The following PSEN1 variants were observed in gnomAD, a reference collection of about 807,000 sequenced individuals.
The protein encoded by PSEN1 is presenilin 1.
PSEN1 carries 15 observed loss-of-function variants against 53.5 expected under a neutral mutation model. The ratio of observed to expected loss-of-function variants is 0.28; its 90% CI spans 0.19 to 0.43. PSEN1 has a LOEUF of 0.43. Among genes scored for constraint, PSEN1 ranks in the 20% least tolerant of loss-of-function variants. The pLI, the probability that PSEN1 is intolerant of heterozygous loss-of-function variation, is 1.00. For missense variants in PSEN1, 387 were observed against 571.2 expected, an observed-to-expected ratio of 0.68 and a Z score of 3.29; for synonymous variants, 208 against 209.8, an observed-to-expected ratio of 0.99 and a Z score of 0.08.
chr14:73,176,403 A>G (rs916815691), intron 5 of PSEN1, among the ~76,000 whole-genome samples: 10 of 151,954 alleles, frequency 6.6e-5, no homozygotes, highest in Non-Finnish European at 1.2e-4. Flanking sequence ...TCTTCTGTTT[A>G]TTTCTCAGAT....
chr14:73,207,194 G>A (rs905527931), intron 9 of PSEN1, among the ~76,000 whole-genome samples: 2 of 152,024 alleles, frequency 1.3e-5, no homozygotes, highest in Non-Finnish European at 2.9e-5. Context: ...GGATAAGAGA[G>A]TGAAAGGCCC....
At chr14:73,218,987 G>C in intron 11 of PSEN1, 147 bp from the exon 12 acceptor site, 1 of 860,012 alleles carries the variant, frequency 1.2e-6, no homozygotes, top group Non-Finnish European at 1.9e-6. Context: ...TCTTCTTCCA[G>C]ATTGAATGAA....
At chr14:73,189,569 A>G (rs764915777) in intron 6 of PSEN1, among the ~76,000 whole-genome samples, 6 of 152,178 alleles carry the variant, frequency 3.9e-5, no homozygotes, top group Non-Finnish European at 8.8e-5. Context: ...CCGAGATCGC[A>G]CCATTGCACT....
At chr14:73,210,542 G>C (rs1899635279) in intron 9 of PSEN1, among the ~76,000 whole-genome samples, 1 of 152,116 alleles carries the variant, frequency 6.6e-6, no homozygotes, top group African/African-American at 2.4e-5. Flanking sequence ...AATACCAAAA[G>C]GGATGGCTAA....
At chr14:73,144,808 T>C (rs1897025222) in intron 1 of PSEN1, among the ~76,000 whole-genome samples, 1 of 152,254 alleles carries the variant, frequency 6.6e-6, no homozygotes, top group African/African-American at 2.4e-5. Context: ...TGTAAGATTA[T>C]ACTAATCTTG....
chr14:73,136,858 C>T (rs201592313), intron 1 of PSEN1: 3 of 153,014 alleles, frequency 2.0e-5, no homozygotes, highest in African/African-American at 7.2e-5. Flanking sequence ...GCGCAGGTGC[C>T]TTGGGCCGGG....
intron 3 of PSEN1, chr14:73,168,925 A>G (rs1255902938): frequency 6.6e-6 from 1 of 152,296 alleles, no homozygotes; most frequent in Admixed American, 6.5e-5. Flanking sequence ...GAGAGGAGCA[A>G]CTGGCTGGTT....
intron 6 of PSEN1, among the ~76,000 whole-genome samples, chr14:73,187,602 C>T (rs1207051287): frequency 1.3e-5 from 2 of 151,942 alleles, no homozygotes; most frequent in East Asian, 1.9e-4. Context: ...CAAAACTGAC[C>T]CCTAAAGAGA....
At chr14:73,153,503 G>A (rs1477950194) in intron 3 of PSEN1, among the ~76,000 whole-genome samples, 1 of 152,172 alleles carries the variant, frequency 6.6e-6, no homozygotes, top group Non-Finnish European at 1.5e-5. Context: ...AATTATGTGT[G>A]TTGTTGGAAG....
At chr14:73,173,872 C>CA in intron 5 of PSEN1, 165 bp downstream of exon 5, 1 of 877,900 alleles carries the variant, frequency 1.1e-6, no homozygotes, top group South Asian at 1.4e-5. Context: ...TCAAAAAATA[C>CA]AAAAAGGAAG....
At chr14:73,150,892 C>T (rs747160889) in intron 3 of PSEN1, among the ~76,000 whole-genome samples, 2 of 151,776 alleles carry the variant, frequency 1.3e-5, no homozygotes, top group African/African-American at 2.4e-5. Context: ...ATGGTGAAAC[C>T]CCGTCTCTAC....
chr14:73,160,399 T>TA (rs1295844060), intron 3 of PSEN1, among the ~76,000 whole-genome samples: 2 of 152,254 alleles, frequency 1.3e-5, no homozygotes, highest in African/African-American at 4.8e-5. Flanking sequence ...CAGTTCGTTT[T>TA]TATATATACT....
intron 3 of PSEN1, among the ~76,000 whole-genome samples, chr14:73,165,901 C>A (rs1217698530): frequency 4.6e-5 from 7 of 151,744 alleles, no homozygotes; most frequent in African/African-American, 1.7e-4. Context: ...ACTAAAAATA[C>A]AAACATTAAG....
In PSEN1 at chr14:73,223,332, A is replaced by G. The variant is rs937475665; in HGVS notation, c.*4043A>G. 1 of 152,266 alleles carries G rather than the reference A, an allele frequency of 6.6e-6. No homozygotes were observed. Among genetic ancestry groups the G allele is most frequent in the African/African-American group, 2.4e-5 (1 of 41,466 alleles). The allele number at this position is 152,266 out of a possible 1,614,324, so 9.4% of individuals were successfully genotyped here. A position where few individuals can be genotyped will look rare whatever the true frequency, so the allele number is the denominator to read the frequency against. ...CTGAGCCCTGACATGTGGTGGCAGCATTGCCAGTTGGTCTGTGTGTCTGTG... is the reference window on the plus strand; with the variant it reads ...CTGAGCCCTGACATGTGGTGGCAGCGTTGCCAGTTGGTCTGTGTGTCTGTG... On this transcript the variant is annotated 3_prime_UTR_variant, in exon 12 of 12. Transcript: ENST00000324501.
intron 6 of PSEN1, among the ~76,000 whole-genome samples, chr14:73,191,843 A>G (rs1022754506): frequency 6.6e-6 from 1 of 152,172 alleles, no homozygotes; most frequent in Admixed American, 6.6e-5. Context: ...CACTGTGCCT[A>G]GCCTGCATAT....
chr14:73,165,925 G>C (rs1455942317), intron 3 of PSEN1, among the ~76,000 whole-genome samples: 1 of 151,884 alleles, frequency 6.6e-6, no homozygotes, highest in East Asian at 1.9e-4. Flanking sequence ...GCGCAGTGGT[G>C]GATGCCGATA....
chr14:73,199,567 C>A (rs1188023815), intron 8 of PSEN1, among the ~76,000 whole-genome samples: 1 of 152,180 alleles, frequency 6.6e-6, no homozygotes, highest in Non-Finnish European at 1.5e-5. Flanking sequence ...ACAGCACTTA[C>A]AGAGTGCATC....
At chr14:73,208,877 C>T (rs968207584) in intron 9 of PSEN1, 9 of 455,060 alleles carry the variant, frequency 2.0e-5, no homozygotes, top group Non-Finnish European at 3.1e-5. Flanking sequence ...TCCCATGGCA[C>T]CCAGGCTGTT....
chr14:73,216,688 G>A lies in PSEN1; in HGVS notation c.1130-438G>A, dbSNP rs61986928. On this transcript the variant is annotated intron_variant, in intron 10 of 11. Coordinates refer to ENST00000324501, the MANE Select transcript of PSEN1 (RefSeq NM_000021.4). ...ACAGGAAAGTCGCTTGAACCTGGGC[G>A]GCAGAGTCTGCAGTGAGCCGAGATC... Among the ~76,000 whole-genome samples the A allele has an allele frequency of 2.5e-3, 382 of 151,880 alleles. 2 individuals are homozygous for A. Among genetic ancestry groups the A allele is most frequent in the African/African-American group, 8.6e-3 (357 of 41,364 alleles).
Sources: allele counts gnomAD v4.1 joint callset (sites outside exome capture counted in the v4.1 genomes callset), GRCh38; gene constraint gnomAD v4.1.1; transcripts MANE v1.5; gene names NCBI Gene and HGNC (gene_info 2026-07-23, HGNC 2026-07-21).